Variants in JAML observed in about 807,000 individuals in gnomAD.
JAML encodes junction adhesion molecule like.
In JAML, 25 loss-of-function variants were observed where a neutral mutation model predicts 39.3. The observed-to-expected ratio is 0.64, with a 90% CI of 0.46 to 0.89. The LOEUF is 0.89. JAML is among the 40% of genes least tolerant of loss of function. The pLI is 0.00. For synonymous variants in JAML, 162 were observed against 179.2 expected (o/e 0.90, Z 0.77); for missense variants, 440 against 486.9 (o/e 0.90, Z 0.91).
Position 118,195,773 on chromosome 11 carries a change from C to T in JAML, c.1092+962G>A, listed in dbSNP as rs116171024. Among the ~76,000 whole-genome samples, 1,237 of 152,266 alleles carry T rather than the reference C, an allele frequency of 8.1e-3. 20 individuals are homozygous for T. The highest frequency in any genetic ancestry group is 0.028 in the African/African-American group (1,145 of 41,558). On this transcript the variant is annotated intron_variant, in intron 9 of 9. Coordinates refer to ENST00000356289, the MANE Select transcript of JAML (RefSeq NM_001098526.2). ...TTTGACCTTTTGATAGCAAGGAAAA[C>T]GACTCACAGCAACACAATACTTGCC...
At position 118,211,434 on chromosome 11, in the gene JAML, G is replaced by T. The variant is rs538969144; in HGVS notation, c.199-722C>A. Among the ~76,000 whole-genome samples, 427 of 152,152 alleles carry T rather than the reference G, an allele frequency of 2.8e-3. 6 individuals carry two copies. Among genetic ancestry groups the T allele is most frequent in the Non-Finnish European group, 3.7e-3 (254 of 67,996 alleles). On this transcript the variant is annotated intron_variant, in intron 3 of 9. Transcript: ENST00000356289. ...ATTTTTGTGTTTGTTTTTTTATAGA[G>T]ATGGGGTTTTGCCATGTTGCCCATG...
chr11:118,203,552 G>T lies in JAML; in HGVS notation c.648C>A (p.Asp216Glu). ...VNLVGDIFRN[D>E]GSIMLQGVRE... ...TCACTCCTTGAAGCATGATGGAACC[G>T]TCATTGCGGAAAATGTCCCCCACCA... Residue 216 changes from aspartate (D) to glutamate (E), a missense_variant, in exon 6 of 10, where the codon GAC becomes GAA. Asp to Glu is a conservative substitution (Grantham distance 45, BLOSUM62 2). Transcript: ENST00000356289. The T allele has an allele frequency of 6.2e-7, 1 of 1,614,158 alleles. No homozygotes were observed. The highest frequency in any genetic ancestry group is 2.2e-5 in the East Asian group (1 of 44,888).
At position 118,194,298 on chromosome 11, in the gene JAML, C is replaced by G; in HGVS notation, c.*27G>C. On this transcript the variant is annotated 3_prime_UTR_variant, in exon 10 of 10. Transcript: ENST00000356289. ...ACACAGGAGAGAGTCTCCACCGCTG[C>G]TGAGATGAAGGGACTCTCCATTCTT... is the stretch of plus-strand genomic sequence containing the variant. 2 of 1,590,864 alleles carry G rather than the reference C, an allele frequency of 1.3e-6. No homozygotes were observed. Among genetic ancestry groups the G allele is most frequent in the Non-Finnish European group, 1.7e-6 (2 of 1,158,940 alleles).
In JAML at chr11:118,198,111, T is replaced by G; in HGVS notation, c.912-20A>C. ...ACTGAACTGCAAGACATGAAAAGCA[T>G]GTGGAATTAACCAGCGGGCATGGTT... is the stretch of plus-strand genomic sequence containing the variant. On this transcript the variant is annotated intron_variant, in intron 7 of 9. Transcript: ENST00000356289. 4 of 1,606,754 alleles carry G rather than the reference T, an allele frequency of 2.5e-6. No homozygotes were observed. Among genetic ancestry groups the G allele is most frequent in the East Asian group, 2.2e-5 (1 of 44,838 alleles).
In JAML at chr11:118,212,401, C is replaced by T. The variant is rs376957243; in HGVS notation, c.198+6G>A. ...CTATTACATAGTGATGTTTCCCCCGCGTTACCTTGGCGTGCTCTCCTGGTG... is the reference window on the plus strand; with the variant it reads ...CTATTACATAGTGATGTTTCCCCCGTGTTACCTTGGCGTGCTCTCCTGGTG... On this transcript the variant is annotated splice_donor_region_variant and intron_variant, in intron 3 of 9. Transcript: ENST00000356289. 45 of 1,613,480 alleles carry T rather than the reference C, an allele frequency of 2.8e-5. 1 individual carries two copies. Among genetic ancestry groups the T allele is most frequent in the Admixed American group, 5.0e-5 (3 of 59,996 alleles).
At chr11:118,216,204 T>C (rs1949139000) in intron 1 of JAML, among the ~76,000 whole-genome samples, 1 of 151,922 alleles carries the variant, frequency 6.6e-6, no homozygotes, top group Non-Finnish European at 1.5e-5. Context: ...ACCCCATCTC[T>C]ACTAAAAATA....
At chr11:118,212,732 T>C in intron 2 of JAML, 171 bp from the exon 3 acceptor site, 2 of 1,523,588 alleles carry the variant, frequency 1.3e-6, no homozygotes, top group Admixed American at 4.2e-5. Flanking sequence ...TCTAGTTACC[T>C]ATATGGCTCA....
chr11:118,212,518 C>T lies in JAML; in HGVS notation c.87G>A (p.Glu29=). ...CTGAATCACCCACATGGACTGTTAG[C>T]TCAGGCGGGGAAACATTCAAGTCAT... is the stretch of plus-strand genomic sequence containing the variant. ...GLNDLNVSPP[E]LTVHVGDSAL... is the part of the protein sequence containing the mutation. Residue 29 remains glutamate, a synonymous_variant, in exon 3 of 10, where the codon GAG becomes GAA. Coordinates refer to ENST00000356289, the MANE Select transcript of JAML (RefSeq NM_001098526.2). 1 of 1,614,154 alleles carries T rather than the reference C, an allele frequency of 6.2e-7. No individual in the cohort carries two copies. The highest frequency in any genetic ancestry group is 2.2e-5 in the East Asian group (1 of 44,896).
At chr11:118,213,144 C>G in intron 2 of JAML, 1 of 1,418,848 alleles carries the variant, frequency 7.0e-7, no homozygotes, top group Middle Eastern at 2.1e-4. Context: ...ACCCCTCCAG[C>G]TTTGCCATCA....
Position 118,212,515 on chromosome 11 carries a change from T to C in JAML, c.90A>G (p.Leu30=). 3.7e-6 allele frequency: 6 copies of C among 1,614,164 alleles called. No homozygotes were observed. The highest frequency in any genetic ancestry group is 4.2e-6 in the Non-Finnish European group (5 of 1,180,018). The change falls in exon 3 of 10, where the codon CTA becomes CTG. Residue 30 remains leucine, a synonymous_variant. Coordinates refer to ENST00000356289, the MANE Select transcript of JAML (RefSeq NM_001098526.2). Reference sequence around the variant, plus strand: ...GAGCTGAATCACCCACATGGACTGTTAGCTCAGGCGGGGAAACATTCAAGT... The same window carrying C: ...GAGCTGAATCACCCACATGGACTGTCAGCTCAGGCGGGGAAACATTCAAGT... ...LNDLNVSPPE[L]TVHVGDSALM... is the part of the protein sequence containing the mutation.
chr11:118,215,926 C>T (rs1949134434), intron 1 of JAML, among the ~76,000 whole-genome samples: 1 of 152,148 alleles, frequency 6.6e-6, no homozygotes, highest in Admixed American at 6.5e-5. Context: ...TGGCCTCAGC[C>T]GTGGTCTTTA....
intron 5 of JAML, 118 bp from the exon 6 acceptor site, chr11:118,203,783 G>T: frequency 1.3e-6 from 1 of 799,920 alleles, no homozygotes; most frequent in Non-Finnish European, 2.1e-6. Context: ...AGGCAGTAAG[G>T]GTATTATCAG....
chr11:118,200,902 AC>A, intron 6 of JAML: 1 of 274,712 alleles, frequency 3.6e-6, no homozygotes, highest in Non-Finnish European at 7.0e-6. Context: ...ATTTGGCTTA[AC>A]AAGGACCCAG....
chr11:118,195,829 TTTG>T (rs889722346), intron 9 of JAML, among the ~76,000 whole-genome samples: 10 of 152,124 alleles, frequency 6.6e-5, no homozygotes, highest in Non-Finnish European at 1.0e-4. Context: ...TCCTATTTTC[TTTG>T]TTGTTGTTGT....
chr11:118,218,617 G>T (rs1473192044), intron 1 of JAML, among the ~76,000 whole-genome samples: 2 of 152,126 alleles, frequency 1.3e-5, no homozygotes, highest in East Asian at 3.9e-4. Context: ...TGTCAAATGA[G>T]TTCATAACAC....
chr11:118,218,774 G>A (rs1949175642), intron 1 of JAML, among the ~76,000 whole-genome samples: 1 of 152,022 alleles, frequency 6.6e-6, no homozygotes. Context: ...AATTCTGGTT[G>A]CATATGTAGA....
intron 2 of JAML, among the ~76,000 whole-genome samples, chr11:118,214,155 AAG>A (rs1949109770): frequency 6.6e-6 from 1 of 152,188 alleles, no homozygotes; most frequent in Admixed American, 6.5e-5. Flanking sequence ...GATAAAGAAA[AAG>A]GCATGGGGGA....
Position 118,203,601 on chromosome 11 carries a change from C to A in JAML, c.599G>T (p.Gly200Val), listed in dbSNP as rs1279638422. Residue 200 changes from glycine to valine, a missense_variant, in exon 6 of 10, where the codon GGC (glycine) becomes GTC (valine). Coordinates refer to ENST00000356289, the MANE Select transcript of JAML (RefSeq NM_001098526.2). Reference protein sequence around the residue: ...RMSVEYSQSWGHFQNRVNLVG... With the variant: ...RMSVEYSQSWVHFQNRVNLVG... Reference sequence around the variant, plus strand: ...CAGGTTCACACGATTCTGGAAGTGGCCCCAGCTCTGGGAGTACTCCACAGA... The same window carrying A: ...CAGGTTCACACGATTCTGGAAGTGGACCCAGCTCTGGGAGTACTCCACAGA... 1.2e-6 allele frequency: 2 copies of A among 1,614,134 alleles called. No homozygotes were observed. The highest frequency in any genetic ancestry group is 1.3e-5 in the African/African-American group (1 of 75,020).
chr11:118,200,714 G>A (rs1565475027), intron 6 of JAML, 102 bp from the exon 7 acceptor site: 1 of 1,394,560 alleles, frequency 7.2e-7, no homozygotes. Context: ...CCACGAAGCG[G>A]AGGGGAAGGC....
Sources: allele counts gnomAD v4.1 joint callset (sites outside exome capture counted in the v4.1 genomes callset), GRCh38; gene constraint gnomAD v4.1.1; transcripts MANE v1.5; gene names NCBI Gene and HGNC (gene_info 2026-07-23, HGNC 2026-07-21).